The following ZC3H18 variants were observed in gnomAD, a reference collection of about 807,000 sequenced individuals.
ZC3H18 encodes the protein zinc finger CCCH domain-containing protein 18.
ZC3H18 carries 8 observed loss-of-function variants against 106.1 expected under a neutral mutation model. That is an observed-to-expected ratio of 0.08 (90% CI 0.04 to 0.14). The LOEUF is 0.14. ZC3H18 is among the 10% of genes least tolerant of loss of function. The probability of loss-of-function intolerance (pLI) is 1.00; values close to 1 mark genes in which losing one functional copy is unlikely to be tolerated. For synonymous variants in ZC3H18, 635 were observed against 522.1 expected (o/e 1.22, Z -2.95); for missense variants, 1,318 against 1,278.4 (o/e 1.03, Z -0.47).
At chr16:88,590,743 A>C (rs1356973808) in intron 3 of ZC3H18, among the ~76,000 whole-genome samples, 1 of 151,286 alleles carries the variant, frequency 6.6e-6, no homozygotes, top group Non-Finnish European at 1.5e-5. Flanking sequence ...TATTTTTAGC[A>C]GACATGGGGT....
intron 8 of ZC3H18, among the ~76,000 whole-genome samples, chr16:88,617,528 A>G (rs1014160203): frequency 6.6e-6 from 1 of 152,236 alleles, no homozygotes; most frequent in Non-Finnish European, 1.5e-5. Context: ...CTCTTTGGCT[A>G]GTCATTGTCA....
At chr16:88,571,110 TAGG>T (rs1184129307) in intron 1 of ZC3H18, among the ~76,000 whole-genome samples, 2 of 152,192 alleles carry the variant, frequency 1.3e-5, no homozygotes, top group Non-Finnish European at 2.9e-5. Context: ...CCCCTTGGAT[TAGG>T]AGATCAGAGG....
At chr16:88,573,171 T>C (rs954951964) in intron 1 of ZC3H18, among the ~76,000 whole-genome samples, 3 of 152,072 alleles carry the variant, frequency 2.0e-5, no homozygotes, top group African/African-American at 4.8e-5. Context: ...AACATGAGAA[T>C]CAGAATTTGT....
chr16:88,582,743 C>T (rs1915210987), intron 2 of ZC3H18, among the ~76,000 whole-genome samples: 1 of 152,212 alleles, frequency 6.6e-6, no homozygotes, highest in Non-Finnish European at 1.5e-5. Context: ...ACCGTCCTTA[C>T]AGCTCTGAGG....
At chr16:88,579,827 A>G (rs1373756595) in intron 2 of ZC3H18, among the ~76,000 whole-genome samples, 17 of 152,034 alleles carry the variant, frequency 1.1e-4, no homozygotes. Context: ...CATCCCCCAT[A>G]GGTCTGTGCT....
intron 2 of ZC3H18, among the ~76,000 whole-genome samples, chr16:88,578,648 A>G (rs992258977): frequency 6.6e-6 from 1 of 152,034 alleles, no homozygotes; most frequent in Non-Finnish European, 1.5e-5. Flanking sequence ...TGAGGCAGGT[A>G]AAGGCTGCCA....
intron 17 of ZC3H18, 39 bp downstream of exon 17, chr16:88,630,620 G>T: frequency 1.3e-6 from 2 of 1,553,286 alleles, no homozygotes; most frequent in Non-Finnish European, 1.7e-6. Context: ...CACACCGAGG[G>T]GGCCAGCCCC....
At chr16:88,621,251 G>A (rs112399209) in intron 8 of ZC3H18, among the ~76,000 whole-genome samples, 1 of 147,878 alleles carries the variant, frequency 6.8e-6, no homozygotes, top group Admixed American at 6.8e-5. Context: ...TTGAGACAGA[G>A]TCTCGCTCTG....
chr16:88,630,179 G>T, intron 16 of ZC3H18: 1 of 342,554 alleles, frequency 2.9e-6, no homozygotes, highest in Non-Finnish European at 5.3e-6. Context: ...TTGTTGTTCC[G>T]TATTTGAAGA....
At chr16:88,628,652 T>A in intron 15 of ZC3H18, 106 bp from the exon 16 acceptor site, 1 of 1,233,438 alleles carries the variant, frequency 8.1e-7, no homozygotes. Context: ...GGTGGGACCT[T>A]TGGGAGCAGA....
In ZC3H18 at chr16:88,577,685, A is replaced by G; in HGVS notation, c.562A>G (p.Lys188Glu). The G allele has an allele frequency of 1.2e-6, 2 of 1,613,902 alleles. No homozygotes were observed. The highest frequency in any genetic ancestry group is 1.3e-5 in the African/African-American group (1 of 75,034). ...ESLEAAKEKK[K>E]EDDDGEIDDG... is the part of the protein sequence containing the mutation. ...CCTGGAGGCTGCCAAGGAGAAAAAG[A>G]AAGAGGACGATGATGGAGAAATCGA... The change falls in exon 2 of 18, where the codon AAA becomes GAA. Residue 188 changes from lysine (K) to glutamate (E), a missense_variant. Lys to Glu is a moderately conservative substitution (Grantham distance 56, BLOSUM62 1). Transcript: ENST00000301011.
chr16:88,578,356 C>T (rs1402194873), intron 2 of ZC3H18, among the ~76,000 whole-genome samples: 1 of 152,164 alleles, frequency 6.6e-6, no homozygotes, highest in African/African-American at 2.4e-5. Context: ...GAAGGTAGTA[C>T]TATCTATGAT....
chr16:88,589,864 G>C (rs752939060), intron 3 of ZC3H18, among the ~76,000 whole-genome samples: 48 of 152,234 alleles, frequency 3.2e-4, no homozygotes, highest in Non-Finnish European at 5.9e-4. Context: ...GAATGTTCTA[G>C]AACTAGCTAG....
chr16:88,613,517 G>C (rs1025072386), intron 8 of ZC3H18, among the ~76,000 whole-genome samples: 3 of 152,082 alleles, frequency 2.0e-5, no homozygotes, highest in African/African-American at 7.2e-5. Context: ...GCTGCGGTCC[G>C]TCTTGTTGAT....
At chr16:88,608,341 C>A (rs993558782) in intron 6 of ZC3H18, among the ~76,000 whole-genome samples, 7 of 151,936 alleles carry the variant, frequency 4.6e-5, no homozygotes, top group Non-Finnish European at 1.0e-4. Flanking sequence ...AGTATCACTT[C>A]CTATTTTCTT....
intron 15 of ZC3H18, among the ~76,000 whole-genome samples, chr16:88,628,420 C>CCTGTCCT (rs1288906984): frequency 6.6e-6 from 1 of 152,168 alleles, no homozygotes; most frequent in African/African-American, 2.4e-5. Flanking sequence ...AGCCTCCGTC[C>CCTGTCCT]CTGTCCTCTG....
Position 88,577,576 on chromosome 16 carries a change from G to T in ZC3H18, c.453G>T (p.Gly151=). Reference sequence around the variant, plus strand: ...AGGAGGACGAGGCTGAGAAAGCGGGGGCTGAGGATGATGAGGAGAAAGGCG... The same window carrying T: ...AGGAGGACGAGGCTGAGAAAGCGGGTGCTGAGGATGATGAGGAGAAAGGCG... ...AVQEDEAEKA[G]AEDDEEKGEG... is the part of the protein sequence containing the mutation. The change falls in exon 2 of 18, where the codon GGG becomes GGT. Residue 151 remains glycine (G), a synonymous_variant. Coordinates refer to ENST00000301011, the MANE Select transcript of ZC3H18 (RefSeq NM_144604.4). The T allele has an allele frequency of 6.2e-7, 1 of 1,613,652 alleles. No homozygotes were observed.
In ZC3H18 at chr16:88,608,926, CT is replaced by C; in HGVS notation, c.1089-4del. The C allele has an allele frequency of 6.2e-7, 1 of 1,606,710 alleles. No homozygotes were observed. Among genetic ancestry groups the C allele is most frequent in the Non-Finnish European group, 8.5e-7 (1 of 1,176,522 alleles). On this transcript the variant is annotated splice_region_variant and splice_polypyrimidine_tract_variant and intron_variant, in intron 6 of 17. Coordinates refer to ENST00000301011, the MANE Select transcript of ZC3H18 (RefSeq NM_144604.4). ...TGATGAGAGTTCTTTTTCATTGGCC[CT>C]TTTCAGACTCGAGCCTTACGCAGAC... is the stretch of plus-strand genomic sequence containing the variant.
At chr16:88,576,966 C>G (rs549487022) in intron 1 of ZC3H18, 144 bp from the exon 2 acceptor site, 1 of 766,170 alleles carries the variant, frequency 1.3e-6, no homozygotes, top group African/African-American at 1.8e-5. Context: ...CTGTCTTTCT[C>G]TGCAGAGTGG....
Sources: allele counts gnomAD v4.1 joint callset (sites outside exome capture counted in the v4.1 genomes callset), GRCh38; gene constraint gnomAD v4.1.1; transcripts MANE v1.5; gene names NCBI Gene and HGNC (gene_info 2026-07-23, HGNC 2026-07-21).